SAMD3: variants seen among roughly 807,000 people sequenced by gnomAD.
SAMD3 encodes the protein sterile alpha motif domain-containing protein 3.
A neutral mutation model predicts 58.5 loss-of-function variants in SAMD3; 63 were observed. The observed-to-expected ratio is 1.08, with a 90% CI of 0.88 to 1.33. The LOEUF is 1.33. Among genes scored for constraint, SAMD3 ranks in the 40% most tolerant of loss-of-function variants. The pLI is 0.00. For missense variants in SAMD3, 604 were observed against 608.4 expected (o/e 0.99, Z 0.08); for synonymous variants, 220 against 210.3 (o/e 1.05, Z -0.40).
chr6:130,240,149 C>T (rs142147994), intron 2 of SAMD3, among the ~76,000 whole-genome samples: 13 of 152,318 alleles, frequency 8.5e-5, no homozygotes, highest in Admixed American at 2.0e-4. Context: ...AGAAGAAGGA[C>T]AAGATTTCCT....
At chr6:130,218,924 T>C (rs918054858) in intron 1 of SAMD3, among the ~76,000 whole-genome samples, 2 of 152,022 alleles carry the variant, frequency 1.3e-5, no homozygotes, top group South Asian at 4.2e-4. Flanking sequence ...GCAGAAAGGC[T>C]TAGAATGTTA....
intron 8 of SAMD3, among the ~76,000 whole-genome samples, chr6:130,157,623 G>C (rs778866519): frequency 5.3e-5 from 8 of 152,120 alleles, no homozygotes; most frequent in Non-Finnish European, 1.2e-4. Flanking sequence ...CACCACGCCT[G>C]ACAGATATGA....
At chr6:130,241,588 T>G (rs1000424302) in intron 2 of SAMD3, among the ~76,000 whole-genome samples, 1 of 152,142 alleles carries the variant, frequency 6.6e-6, no homozygotes, top group African/African-American at 2.4e-5. Context: ...CCTTTGTTTC[T>G]GTGACTTGCC....
chr6:130,239,505 T>A (rs181078317), intron 2 of SAMD3, among the ~76,000 whole-genome samples: 1,588 of 152,272 alleles, frequency 0.01, 15 homozygotes, highest in Non-Finnish European at 0.014. Context: ...ATATTTATAA[T>A]CAACTCTATA....
At chr6:130,204,344 C>T (rs187631838) in intron 5 of SAMD3, among the ~76,000 whole-genome samples, 242 of 152,218 alleles carry the variant, frequency 1.6e-3, no homozygotes, top group African/African-American at 5.5e-3. Flanking sequence ...AGGATGGGAC[C>T]TATTAATTCC....
At chr6:130,196,678 G>T (rs1453518413) in intron 5 of SAMD3, among the ~76,000 whole-genome samples, 2,635 of 124,566 alleles carry the variant, frequency 0.021, no homozygotes, top group African/African-American at 0.073. Context: ...CTACTCCTCA[G>T]GGATTATTCA....
At chr6:130,309,275 C>G (rs1776057332) in intron 2 of SAMD3, among the ~76,000 whole-genome samples, 2 of 152,150 alleles carry the variant, frequency 1.3e-5, no homozygotes, top group African/African-American at 4.8e-5. Context: ...ATGTTAGATT[C>G]CAAATTCTGT....
At chr6:130,192,077 C>T (rs1162311006) in intron 5 of SAMD3, among the ~76,000 whole-genome samples, 3 of 152,210 alleles carry the variant, frequency 2.0e-5, no homozygotes, top group Non-Finnish European at 4.4e-5. Flanking sequence ...TCTGAATCCC[C>T]CACCTGGCCT....
chr6:130,159,138 C>A (rs1347484847), intron 8 of SAMD3, among the ~76,000 whole-genome samples: 1 of 152,134 alleles, frequency 6.6e-6, no homozygotes, highest in Non-Finnish European at 1.5e-5. Flanking sequence ...TGGGAAGGAC[C>A]AGTTGGGAGA....
At chr6:130,364,956 G>A (rs1778093226) in intron 1 of SAMD3, among the ~76,000 whole-genome samples, 1 of 136,786 alleles carries the variant, frequency 7.3e-6, no homozygotes, top group African/African-American at 2.8e-5. Context: ...CAGATCACAC[G>A]CCGAAATAAA....
Position 130,144,657 on chromosome 6 carries a change from A to G in SAMD3, c.1426T>C (p.Phe476Leu). The change falls in exon 12 of 12, where the codon TTT (phenylalanine) becomes CTT (leucine). Residue 476 changes from phenylalanine (F) to leucine (L), a missense_variant. Coordinates refer to ENST00000439090, the MANE Select transcript of SAMD3 (RefSeq NM_001017373.4). ...LAALVAAFHV[F>L]RIECPRRLSQ... is the part of the protein sequence containing the mutation. Reference sequence around the variant, plus strand: ...AGTCTTCTTGGACACTCAATCCTAAATACATGAAAGGCAGCTACTAGCGCA... The same window carrying G: ...AGTCTTCTTGGACACTCAATCCTAAGTACATGAAAGGCAGCTACTAGCGCA... The G allele has an allele frequency of 6.2e-7, 1 of 1,614,166 alleles. No homozygotes were observed. Among genetic ancestry groups the G allele is most frequent in the South Asian group, 1.1e-5 (1 of 91,082 alleles).
intron 8 of SAMD3, among the ~76,000 whole-genome samples, chr6:130,167,873 C>T (rs901002909): frequency 6.6e-6 from 1 of 152,172 alleles, no homozygotes; most frequent in African/African-American, 2.4e-5. Flanking sequence ...GGGATTCTGA[C>T]AAGCAAAGCT....
intron 8 of SAMD3, among the ~76,000 whole-genome samples, chr6:130,157,096 T>G (rs945194714): frequency 1.3e-5 from 2 of 149,242 alleles, no homozygotes; most frequent in Admixed American, 1.3e-4. Context: ...AATAAATAAA[T>G]AAATAAATAA....
intron 1 of SAMD3, among the ~76,000 whole-genome samples, chr6:130,327,089 T>C (rs1776783349): frequency 6.6e-6 from 1 of 152,202 alleles, no homozygotes; most frequent in Non-Finnish European, 1.5e-5. Context: ...TCATAAATTA[T>C]AAAATACTTT....
chr6:130,350,083 G>C (rs1032637471), intron 1 of SAMD3, among the ~76,000 whole-genome samples: 30 of 152,066 alleles, frequency 2.0e-4, no homozygotes, highest in Non-Finnish European at 7.4e-5. Flanking sequence ...AAAATAATAA[G>C]AGCTATCTAT....
intron 1 of SAMD3, among the ~76,000 whole-genome samples, chr6:130,334,484 A>G (rs893727611): frequency 6.6e-6 from 1 of 152,220 alleles, no homozygotes; most frequent in Admixed American, 6.5e-5. Context: ...CAGAGGCAAC[A>G]TAGTATGGTA....
chr6:130,317,722 GA>G, intron 1 of SAMD3, among the ~76,000 whole-genome samples: 1 of 152,240 alleles, frequency 6.6e-6, no homozygotes, highest in Admixed American at 6.5e-5. Context: ...TGGAAAACTG[GA>G]AAAAAATATA....
rs1399265500 is a variant in SAMD3, at chr6:130,310,537, G to A, written c.-188+2441C>T. On this transcript the variant is annotated intron_variant, in intron 2 of 13. Transcript: ENST00000368134. ...TATAACAAAATTCCACACATTGTAC[G>A]TAGATATAGTTTTGGTTCTGAGCTG... 7.2e-5 allele frequency among the ~76,000 whole-genome samples: 11 copies of A among 152,180 alleles called. 2 individuals carry two copies. The highest frequency in any genetic ancestry group is 5.9e-4 in the Admixed American group (9 of 15,286).
At position 130,262,108 on chromosome 6, in the gene SAMD3, T is replaced by C. The variant is rs2114923968; in HGVS notation, c.-187-39295A>G. Among the ~76,000 whole-genome samples, 3 of 152,088 alleles carry C rather than the reference T, an allele frequency of 2.0e-5. No individual in the cohort carries two copies. In the South Asian group the frequency reaches 6.2e-4, roughly 32 times the overall value. On this transcript the variant is annotated intron_variant, in intron 2 of 13. Coordinates refer to the SAMD3 transcript ENST00000368134. ...CTATTCCTTTAAAAGCCAAGGTAAA[T>C]TTAAAACCTGTAATTGATAATTGAA...
Sources: allele counts gnomAD v4.1 joint callset (sites outside exome capture counted in the v4.1 genomes callset), GRCh38; gene constraint gnomAD v4.1.1; transcripts MANE v1.5; gene names NCBI Gene and HGNC (gene_info 2026-07-23, HGNC 2026-07-21).